Variants in MYOF observed in about 807,000 individuals in gnomAD.
MYOF encodes the protein fer-1-like 3, myoferlin.
MYOF carries 244 observed loss-of-function variants against 284.2 expected under a neutral mutation model. The observed-to-expected ratio is 0.86, with a 90% CI of 0.77 to 0.95. MYOF has a LOEUF of 0.95. Among genes scored for constraint, MYOF ranks in the 40% least tolerant of loss-of-function variants. The pLI, the probability that MYOF is intolerant of heterozygous loss-of-function variation, is 0.00. For missense variants in MYOF, 2,496 were observed against 2,560.6 expected, an observed-to-expected ratio of 0.97 and a Z score of 0.54; for synonymous variants, 904 against 919.7, an observed-to-expected ratio of 0.98 and a Z score of 0.31.
intron 3 of MYOF, among the ~76,000 whole-genome samples, chr10:93,442,775 A>C (rs188720377): frequency 3.3e-4 from 51 of 152,334 alleles, no homozygotes; most frequent in Admixed American, 2.7e-3. Context: ...TGTCATCTCT[A>C]GCAGTCCAAG....
At chr10:93,339,842 G>A (rs1423242731) in intron 39 of MYOF, among the ~76,000 whole-genome samples, 1 of 151,956 alleles carries the variant, frequency 6.6e-6, no homozygotes, top group Non-Finnish European at 1.5e-5. Context: ...CACTTTGGGA[G>A]GCTGAGGCGG....
rs552747517 is a variant in MYOF at position 93,355,455 on chromosome 10, G to C, written c.3403+173C>G. ...CAAAAAATTAGCCAGGCATGGTGACGTGCGCCTGTAGTCCCAGCTACTCAG... is the reference window on the plus strand; with the variant it reads ...CAAAAAATTAGCCAGGCATGGTGACCTGCGCCTGTAGTCCCAGCTACTCAG... On this transcript the variant is annotated intron_variant, in intron 31 of 53. Coordinates refer to ENST00000359263, the MANE Select transcript of MYOF (RefSeq NM_013451.4). 2.0e-5 allele frequency among the ~76,000 whole-genome samples: 3 copies of C among 152,220 alleles called. No homozygotes were observed. In the South Asian group the frequency reaches 6.2e-4, roughly 32 times the overall value.
intron 21 of MYOF, among the ~76,000 whole-genome samples, chr10:93,377,965 A>G (rs1381110488): frequency 1.3e-5 from 2 of 152,250 alleles, no homozygotes; most frequent in East Asian, 3.8e-4. Flanking sequence ...ATAGAAATAA[A>G]TAGACATACA....
chr10:93,475,096 T>C (rs993685530), intron 1 of MYOF, among the ~76,000 whole-genome samples: 7 of 152,228 alleles, frequency 4.6e-5, no homozygotes, highest in African/African-American at 1.7e-4. Context: ...GGATGGCCAC[T>C]GGAATTCTCA....
intron 53 of MYOF, among the ~76,000 whole-genome samples, chr10:93,308,239 T>C (rs1269455184): frequency 5.1e-5 from 2 of 39,214 alleles, no homozygotes; most frequent in Non-Finnish European, 1.5e-4. Flanking sequence ...CAAAACCCCA[T>C]CTCAAAAAAA....
At position 93,387,837 on chromosome 10, in the gene MYOF, T is replaced by C. The variant is rs202186004; in HGVS notation, c.1658A>G (p.Lys553Arg). 1.2e-6 allele frequency: 2 copies of C among 1,614,130 alleles called. No homozygotes were observed. The highest frequency in any genetic ancestry group is 1.6e-4 in the Middle Eastern group (1 of 6,062). Residue 553 changes from lysine to arginine, a missense_variant, in exon 19 of 54, where the codon AAG (lysine) becomes AGG (arginine). Lys to Arg is a conservative substitution (Grantham distance 26). Transcript: ENST00000359263. ...TFLEKTPPDK[K>R]LEPISNDDLL... ...GTCATCATTTGAAATGGGCTCAAGCTTTTTATCTGGTGGTGTCTTCTCAAG... is the reference window on the plus strand; with the variant it reads ...GTCATCATTTGAAATGGGCTCAAGCCTTTTATCTGGTGGTGTCTTCTCAAG...
At chr10:93,420,848 T>G (rs570582371) in intron 5 of MYOF, among the ~76,000 whole-genome samples, 1 of 152,284 alleles carries the variant, frequency 6.6e-6, no homozygotes, top group Admixed American at 6.5e-5. Context: ...TTTTAAGAAT[T>G]TGAAAATATA....
intron 19 of MYOF, 57 bp downstream of exon 19, chr10:93,387,740 T>C: frequency 1.4e-6 from 2 of 1,452,528 alleles, no homozygotes; most frequent in Non-Finnish European, 1.9e-6. Flanking sequence ...AGCTACCCCT[T>C]CAGTCCCTGG....
At chr10:93,426,035 C>T in intron 5 of MYOF, 36 bp downstream of exon 5, 1 of 1,542,906 alleles carries the variant, frequency 6.5e-7, no homozygotes. Flanking sequence ...CAGCCTCCCC[C>T]TGGGGGTGGC....
intron 50 of MYOF, 93 bp downstream of exon 50, chr10:93,316,621 T>C (rs1842623026): frequency 8.5e-7 from 1 of 1,181,078 alleles, no homozygotes; most frequent in Non-Finnish European, 1.2e-6. Flanking sequence ...CCAAAAAGTA[T>C]TGAAGATTTA....
intron 4 of MYOF, among the ~76,000 whole-genome samples, chr10:93,430,576 C>A (rs1365777713): frequency 7.7e-6 from 1 of 129,590 alleles, no homozygotes; most frequent in Admixed American, 7.9e-5. Flanking sequence ...AGTGAGACTC[C>A]ATCTCAAAAA....
chr10:93,330,203 A>G (rs1843237915), intron 43 of MYOF, among the ~76,000 whole-genome samples: 1 of 152,186 alleles, frequency 6.6e-6, no homozygotes, highest in African/African-American at 2.4e-5. Flanking sequence ...CAAGTGAAGA[A>G]ATATTTAGAG....
Position 93,397,347 on chromosome 10 carries a change from G to A in MYOF, c.1290+41C>T, listed in dbSNP as rs200356986. 2.5e-6 allele frequency: 4 copies of A among 1,592,752 alleles called. No homozygotes were observed. The African/African-American group carries it at 4.0e-5, about 16-fold the overall frequency. On this transcript the variant is annotated intron_variant, in intron 14 of 53. Coordinates refer to ENST00000359263, the MANE Select transcript of MYOF (RefSeq NM_013451.4). ...TTCTCAATGATTTAGTAATTATTAA[G>A]TAAGTATTCTTACTTTTTCAGAAAG... is the stretch of plus-strand genomic sequence containing the variant.
chr10:93,398,150 G>C (rs1169904438), intron 13 of MYOF, among the ~76,000 whole-genome samples: 3 of 152,060 alleles, frequency 2.0e-5, no homozygotes, highest in Non-Finnish European at 1.5e-5. Context: ...TGACCTCCTA[G>C]TTTTCCCCGC....
At chr10:93,363,361 A>G (rs1264612665) in intron 27 of MYOF, among the ~76,000 whole-genome samples, 1 of 152,174 alleles carries the variant, frequency 6.6e-6, no homozygotes, top group Non-Finnish European at 1.5e-5. Flanking sequence ...GAAACATTTC[A>G]TTTGTTATAC....
At chr10:93,469,951 G>A (rs180796624) in intron 1 of MYOF, among the ~76,000 whole-genome samples, 20 of 152,068 alleles carry the variant, frequency 1.3e-4, no homozygotes, top group Admixed American at 9.8e-4. Context: ...GGAGTAGGCC[G>A]GGCGCAGTGG....
At chr10:93,468,246 A>G (rs1415752481) in intron 1 of MYOF, among the ~76,000 whole-genome samples, 1 of 152,228 alleles carries the variant, frequency 6.6e-6, no homozygotes, top group African/African-American at 2.4e-5. Context: ...TTGCTAGAGA[A>G]TGAATTAAGT....
Position 93,322,656 on chromosome 10 carries a change from T to C in MYOF, c.5456+422A>G, listed in dbSNP as rs571719093. Among the ~76,000 whole-genome samples, 5 of 152,326 alleles carry C rather than the reference T, an allele frequency of 3.3e-5. No individual in the cohort carries two copies. In the East Asian group the frequency reaches 5.8e-4, roughly 18 times the overall value. On this transcript the variant is annotated intron_variant, in intron 48 of 53. Transcript: ENST00000359263. ...ATCTGCGAACATTTCCTCTTTTCCATAGACATGGGCTGCTGGTAATAAAAT... is the reference window on the plus strand; with the variant it reads ...ATCTGCGAACATTTCCTCTTTTCCACAGACATGGGCTGCTGGTAATAAAAT...
chr10:93,338,963 T>G lies in MYOF; in HGVS notation c.4339-1050A>C, dbSNP rs1427631453. Among the ~76,000 whole-genome samples the G allele has an allele frequency of 6.7e-5, 10 of 149,734 alleles. No individual in the cohort carries two copies. In the East Asian group the frequency reaches 1.7e-3, roughly 26 times the overall value. ...AAACAAAAAAACACAGAATGTCACCTGCAGTAGAGCCTCTTGGGGGAAAGG... is the reference window on the plus strand; with the variant it reads ...AAACAAAAAAACACAGAATGTCACCGGCAGTAGAGCCTCTTGGGGGAAAGG... On this transcript the variant is annotated intron_variant, in intron 39 of 53. Transcript: ENST00000359263.
Sources: allele counts gnomAD v4.1 joint callset (sites outside exome capture counted in the v4.1 genomes callset), GRCh38; gene constraint gnomAD v4.1.1; transcripts MANE v1.5; gene names NCBI Gene and HGNC (gene_info 2026-07-23, HGNC 2026-07-21).